SUPT3H: variants seen among roughly 807,000 people sequenced by gnomAD.
SUPT3H encodes SPT3 homolog, SAGA and STAGA complex component.
Under a neutral mutation model 44.3 loss-of-function variants are expected in SUPT3H, and 44 were observed. The ratio of observed to expected loss-of-function variants is 0.99; its 90% CI spans 0.78 to 1.28. The LOEUF (loss-of-function observed/expected upper bound fraction) is 1.28. Among genes scored for constraint, SUPT3H ranks in the 50% most tolerant of loss-of-function variants. The probability of loss-of-function intolerance (pLI) is 0.00; values close to 1 mark genes in which losing one functional copy is unlikely to be tolerated. For synonymous variants in SUPT3H, 124 were observed against 125.6 expected (o/e 0.99, Z 0.09); for missense variants, 380 against 387.1 (o/e 0.98, Z 0.15).
intron 11 of SUPT3H, among the ~76,000 whole-genome samples, chr6:44,818,640 A>T (rs1325260201): frequency 2.0e-5 from 3 of 152,208 alleles, no homozygotes; most frequent in Non-Finnish European, 4.4e-5. Context: ...GGGGCAAAAG[A>T]TGTGAATAAA....
At chr6:44,866,494 T>A (rs1343074007) in intron 10 of SUPT3H, among the ~76,000 whole-genome samples, 3 of 147,302 alleles carry the variant, frequency 2.0e-5, no homozygotes, top group Non-Finnish European at 4.5e-5. Flanking sequence ...TCTTAGGTAA[T>A]ATATATATAT....
chr6:45,333,599 A>T (rs955277247), intron 2 of SUPT3H, among the ~76,000 whole-genome samples: 3 of 151,448 alleles, frequency 2.0e-5, no homozygotes, highest in Non-Finnish European at 4.4e-5. Flanking sequence ...AGTTTTTCAT[A>T]AACACTAATA....
At chr6:44,858,040 T>G (rs906227169) in intron 10 of SUPT3H, among the ~76,000 whole-genome samples, 2 of 152,210 alleles carry the variant, frequency 1.3e-5, no homozygotes, top group African/African-American at 2.4e-5. Flanking sequence ...TGACATTCCC[T>G]GCAGGAAGCC....
At chr6:45,338,726 TA>T (rs1789144413) in intron 2 of SUPT3H, among the ~76,000 whole-genome samples, 1 of 152,120 alleles carries the variant, frequency 6.6e-6, no homozygotes, top group African/African-American at 2.4e-5. Context: ...AATTTTTTTA[TA>T]AAACATCCAA....
intron 5 of SUPT3H, among the ~76,000 whole-genome samples, chr6:45,008,546 G>C (rs1783032856): frequency 1.3e-5 from 2 of 151,782 alleles, no homozygotes; most frequent in South Asian, 4.2e-4. Flanking sequence ...CTAGAGATGG[G>C]GTCTTGCTTT....
chr6:44,879,960 C>T (rs894759528), intron 10 of SUPT3H, among the ~76,000 whole-genome samples: 4 of 152,056 alleles, frequency 2.6e-5, no homozygotes, highest in Admixed American at 1.3e-4. Context: ...AATAAATCCA[C>T]GAAGATGAGA....
chr6:44,924,739 A>T lies in SUPT3H; in HGVS notation c.912+7914T>A, dbSNP rs1769264830. On this transcript the variant is annotated intron_variant, in intron 10 of 10. Transcript: ENST00000371459. ...TATATGATAAATATGCTACATGTTA[A>T]TTTTTTTCCTTAGGATCAGTGGCCT... 2.6e-5 allele frequency among the ~76,000 whole-genome samples: 4 copies of T among 152,160 alleles called. No individual in the cohort carries two copies. In the South Asian group the frequency reaches 6.2e-4, roughly 24 times the overall value.
intron 2 of SUPT3H, among the ~76,000 whole-genome samples, chr6:45,321,012 C>G (rs183115418): frequency 3.3e-5 from 5 of 151,956 alleles, no homozygotes; most frequent in Admixed American, 6.6e-5. Context: ...AATGACATAC[C>G]AATAACAGAT....
intron 2 of SUPT3H, among the ~76,000 whole-genome samples, chr6:45,152,497 T>A (rs895522566): frequency 7.9e-5 from 12 of 152,122 alleles, no homozygotes; most frequent in Non-Finnish European, 1.5e-5. Context: ...GGAATCCTTT[T>A]ATTTTTATTT....
chr6:45,345,177 A>AT (rs1422284139), intron 2 of SUPT3H, among the ~76,000 whole-genome samples: 6 of 152,338 alleles, frequency 3.9e-5, no homozygotes, highest in Non-Finnish European at 7.4e-5. Context: ...TTGACACTTT[A>AT]TAAAAATATC....
intron 2 of SUPT3H, among the ~76,000 whole-genome samples, chr6:45,282,612 G>A (rs1009539153): frequency 3.9e-5 from 6 of 152,202 alleles, no homozygotes; most frequent in Non-Finnish European, 8.8e-5. Flanking sequence ...CATCTGATTG[G>A]TGTACCTGAA....
At chr6:44,863,533 G>C (rs1243125202) in intron 10 of SUPT3H, among the ~76,000 whole-genome samples, 1 of 152,190 alleles carries the variant, frequency 6.6e-6, no homozygotes, top group Non-Finnish European at 1.5e-5. Context: ...ACTCTAGGTA[G>C]AGAGAAGTGA....
rs1770714465 is a variant in SUPT3H at position 44,840,175 on chromosome 6, T to C, written c.913-10318A>G. Among the ~76,000 whole-genome samples the C allele has an allele frequency of 2.0e-5, 3 of 152,260 alleles. No individual in the cohort carries two copies. In the South Asian group the frequency reaches 6.2e-4, roughly 31 times the overall value. On this transcript the variant is annotated intron_variant, in intron 10 of 10. Coordinates refer to ENST00000371459, the MANE Select transcript of SUPT3H (RefSeq NM_003599.4). ...ATAAATTCTACCTTTATGTATTCTATTCATGTAGCAGTCAAATGAAATGTA... is the reference window on the plus strand; with the variant it reads ...ATAAATTCTACCTTTATGTATTCTACTCATGTAGCAGTCAAATGAAATGTA...
At chr6:44,993,754 C>T (rs894432030) in intron 6 of SUPT3H, among the ~76,000 whole-genome samples, 1 of 152,106 alleles carries the variant, frequency 6.6e-6, no homozygotes, top group Non-Finnish European at 1.5e-5. Context: ...ATACTCCCTT[C>T]AGAATAATTT....
intron 2 of SUPT3H, among the ~76,000 whole-genome samples, chr6:45,154,072 G>GAAAAAAAAAAAAAA (rs796547480): frequency 2.2e-4 from 4 of 17,962 alleles, no homozygotes; most frequent in Non-Finnish European, 6.9e-4. Flanking sequence ...TCTGTCTCAA[G>GAAAAAAAAAAAAAA]AAAAAAAAAA....
intron 10 of SUPT3H, among the ~76,000 whole-genome samples, chr6:44,898,230 C>A (rs563726755): frequency 1.3e-5 from 2 of 152,134 alleles, no homozygotes; most frequent in Non-Finnish European, 2.9e-5. Context: ...TTCTTGCCTC[C>A]GGGTATTCAT....
At chr6:45,202,697 G>A (rs1477025365) in intron 2 of SUPT3H, among the ~76,000 whole-genome samples, 1 of 151,794 alleles carries the variant, frequency 6.6e-6, no homozygotes, top group Non-Finnish European at 1.5e-5. Context: ...CATTCCATTT[G>A]GAGCATTAAC....
intron 2 of SUPT3H, among the ~76,000 whole-genome samples, chr6:45,340,486 G>C (rs1581712677): frequency 1.3e-5 from 2 of 152,022 alleles, no homozygotes; most frequent in South Asian, 2.1e-4. Context: ...ACCACGCCCA[G>C]ATAATTTTGT....
At chr6:44,841,288 T>C (rs1486965904) in intron 10 of SUPT3H, among the ~76,000 whole-genome samples, 2 of 152,250 alleles carry the variant, frequency 1.3e-5, no homozygotes. Flanking sequence ...CTGTAATGTC[T>C]GACATTTAGA....
Sources: gnomAD v4.1 joint callset for allele counts (sites outside exome capture counted in the v4.1 genomes callset) on GRCh38, gnomAD v4.1.1 for gene constraint, MANE v1.5 for transcripts, NCBI Gene and HGNC (gene_info 2026-07-23, HGNC 2026-07-21) for gene names.